The following GEMIN8 variants were observed in gnomAD, a reference collection of about 807,000 sequenced individuals.
GEMIN8 encodes gem nuclear organelle associated protein 8.
For missense variants in GEMIN8, 185 were observed against 205.9 expected (o/e 0.90, Z 0.62); for synonymous variants, 80 against 78.5 (o/e 1.02, Z -0.10).
At chrX:13,991,644 A>G in the GEMIN8 span, among the ~76,000 whole-genome samples, 8 of 112,049 alleles carry the variant, frequency 7.1e-5, no homozygotes, top group South Asian at 2.6e-3. Flanking sequence ...AAATGAGTCA[A>G]TTGAGGCTGT....
downstream of GEMIN8, among the ~76,000 whole-genome samples, chrX:14,002,097 CAAAAAAAAAAAAAAAAAA>C: frequency 4.2e-5 from 1 of 23,643 alleles, no homozygotes; most frequent in Admixed American, 6.5e-4. Flanking sequence ...TGCACTCCAG[CAAAAAAAAAAAAAAAAAA>C]AAAAAAAAGT....
At chrX:14,014,504 T>C in intron 4 of GEMIN8, 1 of 751,537 alleles carries the variant, frequency 1.3e-6, no homozygotes, top group Non-Finnish European at 1.6e-6. Context: ...ACACGTATCA[T>C]CTCACTGATC....
chrX:14,009,073 G>A lies in GEMIN8; in HGVS notation c.569C>T (p.Thr190Ile). The change falls in exon 5 of 5, where the codon ACT becomes ATT. Residue 190 changes from threonine to isoleucine, a missense_variant. Thr to Ile is a moderately conservative substitution (Grantham distance 89, BLOSUM62 -1). Transcript: ENST00000680255. ...CNTRRSVEAPTERPGERRQAE... is the reference protein window; with the variant it reads ...CNTRRSVEAPIERPGERRQAE... ...CTGGCGCCGCTCACCAGGCCTCTCA[G>A]TTGGGGCTTCTACCGACCGGCGGGT... is the stretch of plus-strand genomic sequence containing the variant. 3 of 1,212,249 alleles carry A rather than the reference G, an allele frequency of 2.5e-6. No individual in the cohort carries two copies. The highest frequency in any genetic ancestry group is 3.4e-6 in the Non-Finnish European group (3 of 895,456).
intron 2 of GEMIN8, 94 bp from the exon 3 acceptor site, chrX:14,021,605 C>G: frequency 1.7e-6 from 1 of 590,681 alleles, no homozygotes; most frequent in Non-Finnish European, 2.8e-6. Context: ...TCCCAAGGAA[C>G]TGCCTCTTCC....
At chrX:14,005,438 G>A (rs541259089), downstream of GEMIN8, among the ~76,000 whole-genome samples, 7 of 111,854 alleles carry the variant, frequency 6.3e-5, no homozygotes, top group African/African-American at 2.3e-4. Context: ...AACATGTGGA[G>A]GTTCCTGAAG....
chrX:14,023,414 C>T (rs1924493771), intron 2 of GEMIN8, among the ~76,000 whole-genome samples: 1 of 108,383 alleles, frequency 9.2e-6, no homozygotes, highest in Non-Finnish European at 1.9e-5. Context: ...AAGTCTCACA[C>T]TGTCACCCAG....
At chrX:14,014,240 T>A in intron 4 of GEMIN8, 4 of 753,079 alleles carry the variant, frequency 5.3e-6, no homozygotes, top group Non-Finnish European at 6.3e-6. Context: ...CCAAAATGAA[T>A]AATTGTAGCA....
At chrX:13,996,585 G>A in the GEMIN8 span, among the ~76,000 whole-genome samples, 3 of 111,883 alleles carry the variant, frequency 2.7e-5, no homozygotes, top group Non-Finnish European at 5.6e-5. Flanking sequence ...TGAGAGTTGG[G>A]TGAGGGTACA....
chrX:14,024,013 A>T (rs1426284520), intron 2 of GEMIN8, among the ~76,000 whole-genome samples: 1 of 112,727 alleles, frequency 8.9e-6, no homozygotes, highest in East Asian at 2.8e-4. Flanking sequence ...GTTTTTAGTT[A>T]TAATTGGGAA....
chrX:14,020,993 C>T (rs938005442), intron 3 of GEMIN8, among the ~76,000 whole-genome samples: 9 of 111,087 alleles, frequency 8.1e-5, no homozygotes, highest in African/African-American at 2.9e-4. Flanking sequence ...AACTAACTTG[C>T]TGGCCTGAGC....
At chrX:14,003,658 T>C (rs1432406227), downstream of GEMIN8, among the ~76,000 whole-genome samples, 1 of 112,241 alleles carries the variant, frequency 8.9e-6, no homozygotes, top group Non-Finnish European at 1.9e-5. Context: ...GGCCAAGTTC[T>C]AGAATATGCT....
intron 3 of GEMIN8, 31 bp downstream of exon 3, chrX:14,021,433 C>CA (rs371306663): frequency 3.3e-3 from 2,548 of 774,636 alleles, no homozygotes; most frequent in Non-Finnish European, 3.9e-3. Flanking sequence ...CTTACGAGCT[C>CA]AAAAAAAAAA....
chrX:14,010,082 A>G (rs1923434827), intron 4 of GEMIN8, among the ~76,000 whole-genome samples: 1 of 112,280 alleles, frequency 8.9e-6, no homozygotes, highest in African/African-American at 3.2e-5. Context: ...AAAATCTGCA[A>G]TAATGGGTTG....
At chrX:14,018,766 C>CTTTTTTTT (rs58528171) in intron 4 of GEMIN8, among the ~76,000 whole-genome samples, 1 of 91,888 alleles carries the variant, frequency 1.1e-5, no homozygotes, top group Non-Finnish European at 2.2e-5. Flanking sequence ...CTTTTCTTTT[C>CTTTTTTTT]TTTTTTTTTT....
intron 4 of GEMIN8, among the ~76,000 whole-genome samples, chrX:14,010,378 G>C (rs1477114183): frequency 1.8e-5 from 2 of 112,031 alleles, no homozygotes; most frequent in Non-Finnish European, 3.8e-5. Flanking sequence ...TCTGTCAAGA[G>C]AGAAATTGAC....
At chrX:14,002,428 C>A (rs377371492), downstream of GEMIN8, among the ~76,000 whole-genome samples, 1 of 111,483 alleles carries the variant, frequency 9.0e-6, no homozygotes, top group East Asian at 2.8e-4. Flanking sequence ...AGTTTACATA[C>A]TGTCCCTTTT....
the GEMIN8 span, among the ~76,000 whole-genome samples, chrX:13,992,994 C>T: frequency 9.0e-6 from 1 of 111,193 alleles, no homozygotes; most frequent in Non-Finnish European, 1.9e-5. Context: ...AAAGGAGTTG[C>T]TTGAGCACCT....
chrX:13,990,245 T>C, the GEMIN8 span, among the ~76,000 whole-genome samples: 1 of 112,386 alleles, frequency 8.9e-6, no homozygotes, highest in Non-Finnish European at 1.9e-5. Context: ...TGAAATTCAT[T>C]TGGAAGAGTA....
Position 14,008,367 on chromosome X carries a change from G to A in GEMIN8, c.*546C>T, listed in dbSNP as rs182365771. 1 of 112,999 alleles carries A rather than the reference G, an allele frequency of 8.8e-6. No individual in the cohort carries two copies. Among genetic ancestry groups the A allele is most frequent in the East Asian group, 2.8e-4 (1 of 3,573 alleles). 9.3% of individuals were successfully genotyped at this position (112,999 alleles called of 1,213,427 possible). On this transcript the variant is annotated 3_prime_UTR_variant, in exon 5 of 5. Coordinates refer to ENST00000680255, the MANE Select transcript of GEMIN8 (RefSeq NM_001042479.2). The stretch of plus-strand genomic sequence containing the variant: ...AGCTGCTTTCACACTACAAAGGGAG[G>A]GTTGAGTAGTCACAACACTGACCGT...
Sources: gnomAD v4.1 joint callset for allele counts (sites outside exome capture counted in the v4.1 genomes callset) on GRCh38, gnomAD v4.1.1 for gene constraint, MANE v1.5 for transcripts, NCBI Gene and HGNC (gene_info 2026-07-23, HGNC 2026-07-21) for gene names.